Variants in ASPA observed in about 807,000 individuals in gnomAD.
ASPA encodes ACY-2.
A neutral mutation model predicts 29.6 loss-of-function variants in ASPA; 25 were observed. That is an observed-to-expected ratio of 0.85 (90% CI 0.62 to 1.18). The LOEUF is 1.18. ASPA is among the 50% of genes most tolerant of loss of function. The pLI is 0.00. For missense variants in ASPA, 333 were observed against 385.7 expected (o/e 0.86, Z 1.14); for synonymous variants, 131 against 130.3 (o/e 1.01, Z -0.04).
intron 5 of ASPA, among the ~76,000 whole-genome samples, chr17:3,496,801 T>G (rs868193561): frequency 6.6e-6 from 1 of 152,206 alleles, no homozygotes; most frequent in African/African-American, 2.4e-5. Flanking sequence ...GAGCGGTGGC[T>G]CACGCCTGTA....
chr17:3,499,005 G>T lies in ASPA; in HGVS notation c.859G>T (p.Ala287Ser). The T allele has an allele frequency of 4.3e-6, 7 of 1,614,138 alleles. No individual in the cohort carries two copies. The highest frequency in any genetic ancestry group is 5.9e-6 in the Non-Finnish European group (7 of 1,180,004). The change falls in exon 6 of 6, where the codon GCA becomes TCA. Residue 287 changes from alanine (A) to serine (S), a missense_variant. Transcript: ENST00000263080. The stretch of plus-strand genomic sequence containing the variant: ...GTACCCCGTGTTTGTGAATGAGGCC[G>T]CATATTACGAAAAGAAAGAAGCTTT... ...TVYPVFVNEA[A>S]YYEKKEAFAK...
chr17:3,487,084 G>A (rs2073738079), intron 3 of ASPA, among the ~76,000 whole-genome samples: 2 of 152,018 alleles, frequency 1.3e-5, no homozygotes, highest in Admixed American at 1.3e-4. Flanking sequence ...GTGTGTGTGT[G>A]TGATCATAAG....
Position 3,500,710 on chromosome 17 carries a change from T to C in ASPA, c.*1622T>C, listed in dbSNP as rs2073979581. On this transcript the variant is annotated 3_prime_UTR_variant, in exon 6 of 6. Transcript: ENST00000263080. ...TAGTAGAGATGGGGTTTCACTCTGC[T>C]AGCCAGGATGGTCTCGATCTCCTGA... 6.6e-6 allele frequency: 1 copy of C among 151,586 alleles called. No individual in the cohort carries two copies. Among genetic ancestry groups the C allele is most frequent in the African/African-American group, 2.4e-5 (1 of 41,230 alleles). The allele number at this position is 151,586 out of a possible 1,614,324, so 9.4% of individuals were successfully genotyped here.
At position 3,488,705 on chromosome 17, in the gene ASPA, G is replaced by A. The variant is rs1208550321; in HGVS notation, c.527-530G>A. 6.6e-6 allele frequency among the ~76,000 whole-genome samples: 1 copy of A among 152,114 alleles called. No homozygotes were observed. The highest frequency in any genetic ancestry group is 1.5e-5 in the Non-Finnish European group (1 of 68,008). ...ACCATTGCACTATTGTGTTAGGATG[G>A]ATTGCTAGGTTAAGGGCAAAATCAT... is the stretch of plus-strand genomic sequence containing the variant. On this transcript the variant is annotated intron_variant, in intron 3 of 5. Coordinates refer to ENST00000263080, the MANE Select transcript of ASPA (RefSeq NM_000049.4). This position sits in a 1 kb window ranked among gnomAD's most constrained non-coding sequence, Gnocchi z 6.1.
At chr17:3,498,081 G>GCTTCTCT (rs1378331985) in intron 5 of ASPA, among the ~76,000 whole-genome samples, 1 of 152,096 alleles carries the variant, frequency 6.6e-6, no homozygotes, top group East Asian at 1.9e-4. Flanking sequence ...CCCCAGCCCA[G>GCTTCTCT]CACCACCTTC....
rs750655848 is a variant in ASPA, at chr17:3,490,168, C to A, written c.634+826C>A. ...ACACCAAACTGATAACAATAGTTACCGGGGACGGGAGGCAAAACCCAGGCT... is the reference window on the plus strand; with the variant it reads ...ACACCAAACTGATAACAATAGTTACAGGGGACGGGAGGCAAAACCCAGGCT... On this transcript the variant is annotated intron_variant, in intron 4 of 5. Transcript: ENST00000263080. The surrounding 1 kb of genome is among the most constrained non-coding windows in gnomAD (Gnocchi z 4.6). 6.6e-5 allele frequency among the ~76,000 whole-genome samples: 10 copies of A among 152,162 alleles called. No homozygotes were observed. Among genetic ancestry groups the A allele is most frequent in the Non-Finnish European group, 1.3e-4 (9 of 68,008 alleles).
chr17:3,490,391 A>G lies in ASPA; in HGVS notation c.634+1049A>G, dbSNP rs1466225418. ...AAAAGTTTACTTTAAAATGGAAAAT[A>G]GTTGCTTAAAATCAAAGAGACATTC... On this transcript the variant is annotated intron_variant, in intron 4 of 5. Coordinates refer to ENST00000263080, the MANE Select transcript of ASPA (RefSeq NM_000049.4). This position sits in a 1 kb window ranked among gnomAD's most constrained non-coding sequence, Gnocchi z 4.6. Among the ~76,000 whole-genome samples, 1 of 152,234 alleles carries G rather than the reference A, an allele frequency of 6.6e-6. No individual in the cohort carries two copies. The highest frequency in any genetic ancestry group is 6.5e-5 in the Admixed American group (1 of 15,288).
chr17:3,491,252 C>T (rs1229908596), intron 4 of ASPA, among the ~76,000 whole-genome samples: 3 of 152,162 alleles, frequency 2.0e-5, no homozygotes. Context: ...AGGTTAACAA[C>T]ATCAGGGACC....
At chr17:3,481,343 T>C (rs1316191937) in intron 1 of ASPA, among the ~76,000 whole-genome samples, 4 of 152,224 alleles carry the variant, frequency 2.6e-5, no homozygotes, top group African/African-American at 7.2e-5. Context: ...TTCTGTTTGA[T>C]ATGTCCTATT....
intron 4 of ASPA, among the ~76,000 whole-genome samples, chr17:3,492,791 T>C (rs1344893128): frequency 6.6e-6 from 1 of 151,978 alleles, no homozygotes; most frequent in Non-Finnish European, 1.5e-5. Flanking sequence ...GGCCATCCCA[T>C]AGGATCCAGC....
At chr17:3,482,085 A>G (rs74251309) in intron 2 of ASPA, among the ~76,000 whole-genome samples, 1 of 152,150 alleles carries the variant, frequency 6.6e-6, no homozygotes, top group African/African-American at 2.4e-5. Flanking sequence ...TTTTATCCAG[A>G]CAGCCACCAG....
At chr17:3,480,749 T>C (rs1316291807) in intron 1 of ASPA, among the ~76,000 whole-genome samples, 1 of 152,248 alleles carries the variant, frequency 6.6e-6, no homozygotes, top group Non-Finnish European at 1.5e-5. Context: ...AGGGCTGTTA[T>C]CATCTTTGTT....
rs1172155776 is a variant in ASPA at position 3,485,958 on chromosome 17, G to C, written c.526+2366G>C. Among the ~76,000 whole-genome samples, 1 of 149,344 alleles carries C rather than the reference G, an allele frequency of 6.7e-6. No homozygotes were observed. The highest frequency in any genetic ancestry group is 2.5e-5 in the African/African-American group (1 of 40,568). On this transcript the variant is annotated intron_variant, in intron 3 of 5. Transcript: ENST00000263080. The surrounding 1 kb of genome is among the most constrained non-coding windows in gnomAD (Gnocchi z 4.4). ...CCTTTTTTTTTTTTTTTGAGACGGA[G>C]TTTCGCTCTTGTTGCCAAGGCTGGA...
At chr17:3,475,271 C>T (rs780262974), upstream of ASPA, 4 of 152,156 alleles carry the variant, frequency 2.6e-5, no homozygotes, top group African/African-American at 9.7e-5. Flanking sequence ...TAACACAGTC[C>T]AGTGGAGAGT....
chr17:3,480,855 GT>G (rs2150745985), intron 1 of ASPA, among the ~76,000 whole-genome samples: 1 of 152,312 alleles, frequency 6.6e-6, no homozygotes, highest in African/African-American at 2.4e-5. Context: ...ATGGAGTCAG[GT>G]TAGATCTCTT....
At chr17:3,480,246 C>T (rs2073604062) in intron 1 of ASPA, among the ~76,000 whole-genome samples, 1 of 152,204 alleles carries the variant, frequency 6.6e-6, no homozygotes. Flanking sequence ...GCTGATTTAT[C>T]AAGACAAGGG....
chr17:3,497,110 C>G (rs2073922194), intron 5 of ASPA, among the ~76,000 whole-genome samples: 1 of 152,124 alleles, frequency 6.6e-6, no homozygotes, highest in African/African-American at 2.4e-5. Context: ...TTCCCAGGGG[C>G]TCTGATCTAA....
intron 5 of ASPA, among the ~76,000 whole-genome samples, chr17:3,498,354 A>AT (rs1011115240): frequency 6.0e-5 from 9 of 150,328 alleles, no homozygotes; most frequent in Non-Finnish European, 1.0e-4. Flanking sequence ...ACTCTTTTTT[A>AT]TTTTTTTTTA....
chr17:3,492,771 A>G (rs569382625), intron 4 of ASPA, among the ~76,000 whole-genome samples: 5 of 152,318 alleles, frequency 3.3e-5, no homozygotes, highest in East Asian at 1.9e-4. Flanking sequence ...CCCATCAGAC[A>G]TAACAGTAAG....
Sources: gnomAD v4.1 joint callset for allele counts (sites outside exome capture counted in the v4.1 genomes callset) on GRCh38, gnomAD v4.1.1 for gene constraint, Gnocchi (gnomAD v3.1) non-coding constraint, MANE v1.5 for transcripts, NCBI Gene and HGNC (gene_info 2026-07-23, HGNC 2026-07-21) for gene names.